The following CAST variants were observed in gnomAD, a reference collection of about 807,000 sequenced individuals.
CAST encodes calpastatin.
In CAST, 76 loss-of-function variants were observed where a neutral mutation model predicts 119.6. That is an observed-to-expected ratio of 0.64 (90% CI 0.53 to 0.77). The LOEUF is 0.77. CAST is among the 30% of genes least tolerant of loss of function. CAST has a pLI of 0.00. For missense variants in CAST, 953 were observed against 946.5 expected (o/e 1.01, Z -0.09); for synonymous variants, 319 against 331.6 (o/e 0.96, Z 0.41).
chr5:96,773,488 C>A lies in CAST; in HGVS notation c.*872C>A, dbSNP rs1773194090. The stretch of plus-strand genomic sequence containing the variant: ...CTATTATCTATACATAAAACCTGAG[C>A]AGCAACTGTGTCTTTAGAGCTATTG... On this transcript the variant is annotated 3_prime_UTR_variant, in exon 32 of 32. Transcript: ENST00000675179. 6.6e-6 allele frequency: 1 copy of A among 152,282 alleles called. No individual in the cohort carries two copies. Among genetic ancestry groups the A allele is most frequent in the Non-Finnish European group, 1.5e-5 (1 of 68,018 alleles). 9.4% of individuals were successfully genotyped at this position (152,282 alleles called of 1,614,324 possible).
At chr5:96,653,022 G>A (rs572513401) in intron 1 of CAST, among the ~76,000 whole-genome samples, 1 of 152,318 alleles carries the variant, frequency 6.6e-6, no homozygotes, top group Admixed American at 6.5e-5. Flanking sequence ...ACCCATCAGG[G>A]TCCCTGTTGA....
chr5:96,421,738 G>A, the CAST span: 1 of 676,324 alleles, frequency 1.5e-6, no homozygotes, highest in Non-Finnish European at 2.7e-6. Context: ...TGTTTTAAAA[G>A]CAACAAAATA....
At chr5:96,533,314 TA>T (rs1745725674) in intron 1 of CAST, among the ~76,000 whole-genome samples, 3 of 152,120 alleles carry the variant, frequency 2.0e-5, no homozygotes, top group Admixed American at 6.5e-5. Flanking sequence ...GCAACAGCTG[TA>T]ATGCAGAACT....
the CAST span, among the ~76,000 whole-genome samples, chr5:96,369,455 G>A: frequency 2.6e-5 from 4 of 152,170 alleles, no homozygotes; most frequent in Admixed American, 2.6e-4. Flanking sequence ...GCCCTTAGCT[G>A]CCTCTTGGTA....
At chr5:96,128,524 C>G in the CAST span, among the ~76,000 whole-genome samples, 1 of 151,778 alleles carries the variant, frequency 6.6e-6, no homozygotes, top group African/African-American at 2.4e-5. Flanking sequence ...TTAGATTTTC[C>G]CCTCAATTTA....
chr5:96,535,005 A>G (rs1745780823), intron 1 of CAST, among the ~76,000 whole-genome samples: 2 of 152,196 alleles, frequency 1.3e-5, no homozygotes, highest in Admixed American at 6.5e-5. Context: ...TCAGGGAACA[A>G]TATTTACAAA....
At chr5:96,037,867 A>G in the CAST span, among the ~76,000 whole-genome samples, 1 of 152,108 alleles carries the variant, frequency 6.6e-6, no homozygotes, top group Non-Finnish European at 1.5e-5. Context: ...TGGCTTCCTG[A>G]TGCACATCTT....
chr5:96,014,999 T>C, the CAST span, among the ~76,000 whole-genome samples: 1 of 152,092 alleles, frequency 6.6e-6, no homozygotes, highest in African/African-American at 2.4e-5. Flanking sequence ...TTTTAAGTCC[T>C]CACCACACCC....
the CAST span, among the ~76,000 whole-genome samples, chr5:96,441,561 G>A: frequency 2.6e-5 from 4 of 152,054 alleles, no homozygotes; most frequent in African/African-American, 9.7e-5. Context: ...GTAGCGATGG[G>A]TTTAAGGGCT....
the CAST span, among the ~76,000 whole-genome samples, chr5:96,052,275 A>C: frequency 1.3e-5 from 2 of 152,226 alleles, no homozygotes; most frequent in Non-Finnish European, 2.9e-5. Flanking sequence ...AGCTCTTCTC[A>C]CTTGGTGGGC....
chr5:96,654,662 A>G (rs1372541194), intron 1 of CAST, among the ~76,000 whole-genome samples: 1 of 152,236 alleles, frequency 6.6e-6, no homozygotes, highest in Admixed American at 6.5e-5. Context: ...AAGTTCATTA[A>G]TAACTTGCTG....
chr5:96,546,696 GT>G (rs1561412493), intron 1 of CAST, among the ~76,000 whole-genome samples: 2 of 152,162 alleles, frequency 1.3e-5, no homozygotes, highest in African/African-American at 4.8e-5. Flanking sequence ...GGTTTTTTAT[GT>G]GACTCTATAT....
upstream of CAST, chr5:96,662,248 G>A (rs975249893): frequency 6.7e-6 from 5 of 750,564 alleles, no homozygotes; most frequent in Admixed American, 8.9e-5. Flanking sequence ...GCCCATCGGG[G>A]CTAGGGGAAC....
At chr5:96,655,764 TG>T (rs1297897874) in intron 1 of CAST, among the ~76,000 whole-genome samples, 1 of 152,210 alleles carries the variant, frequency 6.6e-6, no homozygotes, top group Non-Finnish European at 1.5e-5. Context: ...AAAAGAAATT[TG>T]AATAAAGTAG....
chr5:96,498,007 A>C, the CAST span, among the ~76,000 whole-genome samples: 7 of 152,228 alleles, frequency 4.6e-5, no homozygotes. Flanking sequence ...CTAACATTTA[A>C]GTCTTTAATC....
chr5:95,977,279 G>A, the CAST span, among the ~76,000 whole-genome samples: 138 of 152,314 alleles, frequency 9.1e-4, no homozygotes, highest in Middle Eastern at 3.4e-3. Context: ...ACATTTTCTT[G>A]CAGTGTCTGT....
At position 96,748,008 on chromosome 5, in the gene CAST, TATC is replaced by T. The variant is rs1371399349; in HGVS notation, c.1333-507_1333-505del. Among the ~76,000 whole-genome samples, 4 of 152,202 alleles carry T rather than the reference TATC, an allele frequency of 2.6e-5. 1 individual carries two copies. The highest frequency in any genetic ancestry group is 9.7e-5 in the African/African-American group (4 of 41,442). On this transcript the variant is annotated intron_variant, in intron 18 of 31. Coordinates refer to ENST00000675179, the MANE Select transcript of CAST (RefSeq NM_001750.7). ...CCAGCGTCTGAATCACATGCCCTTC[TATC>T]ATGTTACTGTTGTTAGTGACAATCT...
At chr5:96,448,645 G>A in the CAST span, among the ~76,000 whole-genome samples, 8 of 151,992 alleles carry the variant, frequency 5.3e-5, no homozygotes, top group Non-Finnish European at 1.2e-4. Context: ...CTCTTGGTGG[G>A]TTTAGTCACT....
chr5:95,972,099 ACAGGG>A, the CAST span, among the ~76,000 whole-genome samples: 1 of 151,918 alleles, frequency 6.6e-6, no homozygotes, highest in African/African-American at 2.4e-5. Context: ...GGCTGGGACT[ACAGGG>A]CATGCCACCA....
Sources: gnomAD v4.1 joint callset for allele counts (sites outside exome capture counted in the v4.1 genomes callset) on GRCh38, gnomAD v4.1.1 for gene constraint, MANE v1.5 for transcripts, NCBI Gene and HGNC (gene_info 2026-07-23, HGNC 2026-07-21) for gene names.